ADCY5: variants seen among roughly 807,000 people sequenced by gnomAD.
The protein encoded by ADCY5 is adenylate cyclase type 5.
ADCY5 carries 30 observed loss-of-function variants against 119.7 expected under a neutral mutation model. The ratio of observed to expected loss-of-function variants is 0.25; its 90% CI spans 0.19 to 0.34. The LOEUF (loss-of-function observed/expected upper bound fraction) is 0.34. ADCY5 is among the 10% of genes least tolerant of loss of function. ADCY5 has a pLI of 1.00. For synonymous variants in ADCY5, 753 were observed against 762.2 expected, an observed-to-expected ratio of 0.99 and a Z score of 0.20; for missense variants, 1,324 against 1,775.2, an observed-to-expected ratio of 0.75 and a Z score of 4.57.
chr3:123,341,925 A>G (rs1400011999), intron 3 of ADCY5, among the ~76,000 whole-genome samples: 2 of 152,124 alleles, frequency 1.3e-5, no homozygotes, highest in Non-Finnish European at 2.9e-5. Context: ...AGAGTTCAGA[A>G]TACTTAAAAA....
chr3:123,448,085 C>G lies in ADCY5; in HGVS notation c.461G>C (p.Arg154Pro). 8.2e-7 allele frequency: 1 copy of G among 1,214,676 alleles called. No homozygotes were observed. The highest frequency in any genetic ancestry group is 1.0e-6 in the Non-Finnish European group (1 of 974,520). The allele number at this position is 1,214,676 out of a possible 1,614,324, so 75.2% of individuals were successfully genotyped here. ...CTCCTCCAGACCCACCTCCACCGAGCGAGGGCGCACCTCCGTCCCGCCCGC... is the reference window on the plus strand; with the variant it reads ...CTCCTCCAGACCCACCTCCACCGAGGGAGGGCGCACCTCCGTCCCGCCCGC... Reference protein sequence around the residue: ...ASAGGTEVRPRSVEVGLEERR... With the variant: ...ASAGGTEVRPPSVEVGLEERR... Residue 154 changes from arginine (R) to proline (P), a missense_variant, in exon 1 of 21, where the codon CGC becomes CCC. By Grantham distance (103) the Arg-to-Pro change is moderately radical (BLOSUM62 -2). Around this residue, in one of 6 missense-constraint regions of ADCY5, gnomAD observed 585 missense variants for 569.9 expected, o/e 1.03. Coordinates refer to ENST00000462833, the MANE Select transcript of ADCY5 (RefSeq NM_183357.3).
chr3:123,366,619 T>C (rs1943449323), intron 1 of ADCY5, among the ~76,000 whole-genome samples: 1 of 152,080 alleles, frequency 6.6e-6, no homozygotes, highest in Admixed American at 6.6e-5. Flanking sequence ...AATTCACTTA[T>C]CTTACACACC....
intron 3 of ADCY5, among the ~76,000 whole-genome samples, chr3:123,345,769 G>GACACACAGACATACACAC (rs1553731376): frequency 4.4e-5 from 5 of 113,762 alleles, no homozygotes; most frequent in Non-Finnish European, 6.9e-5. Flanking sequence ...CAGACAGACA[G>GACACACAGACATACACAC]ACACACACAC....
At chr3:123,302,583 A>G (rs1939910367) in intron 14 of ADCY5, among the ~76,000 whole-genome samples, 1 of 152,168 alleles carries the variant, frequency 6.6e-6, no homozygotes, top group Non-Finnish European at 1.5e-5. Context: ...CTGAGGGTCT[A>G]TAAAGTTTTG....
chr3:123,285,059 GAC>G (rs1270812311), intron 20 of ADCY5, among the ~76,000 whole-genome samples: 1 of 152,218 alleles, frequency 6.6e-6, no homozygotes, highest in Non-Finnish European at 1.5e-5. Context: ...TTCAGGAGTG[GAC>G]AGTAAGTGCC....
intron 1 of ADCY5, 60 bp downstream of exon 1, chr3:123,447,352 G>T: frequency 7.0e-7 from 1 of 1,427,044 alleles, no homozygotes. Context: ...CCTTTCTTTG[G>T]AGTCCAGCTG....
intron 1 of ADCY5, among the ~76,000 whole-genome samples, chr3:123,397,099 G>A (rs1191463264): frequency 6.6e-6 from 1 of 152,106 alleles, no homozygotes; most frequent in Non-Finnish European, 1.5e-5. Context: ...AGCTAAATTT[G>A]TCTCTGTCCT....
intron 12 of ADCY5, among the ~76,000 whole-genome samples, chr3:123,310,576 G>A (rs1399756791): frequency 6.6e-6 from 1 of 152,206 alleles, no homozygotes; most frequent in Non-Finnish European, 1.5e-5. Context: ...TCTGAGCTGC[G>A]GACAACGTGT....
At chr3:123,410,632 A>C (rs1945021869) in intron 1 of ADCY5, among the ~76,000 whole-genome samples, 1 of 152,178 alleles carries the variant, frequency 6.6e-6, no homozygotes. Flanking sequence ...TCTTAGATTA[A>C]TCACCATCAC....
At chr3:123,407,670 A>T (rs1321626730) in intron 1 of ADCY5, among the ~76,000 whole-genome samples, 6 of 149,250 alleles carry the variant, frequency 4.0e-5, no homozygotes, top group Non-Finnish European at 8.9e-5. Flanking sequence ...CTGAGGTTGG[A>T]GGATTGCTTA....
intron 1 of ADCY5, among the ~76,000 whole-genome samples, chr3:123,439,695 T>C (rs1945690151): frequency 6.6e-6 from 1 of 152,178 alleles, no homozygotes; most frequent in Non-Finnish European, 1.5e-5. Flanking sequence ...GAGACATCTA[T>C]GAACAGCCCT....
At position 123,304,053 on chromosome 3, in the gene ADCY5, G is replaced by A. The variant is rs374985865; in HGVS notation, c.2559+14C>T. On this transcript the variant is annotated intron_variant, in intron 13 of 20. Coordinates refer to ENST00000462833, the MANE Select transcript of ADCY5 (RefSeq NM_183357.3). ...GGGGCTGCGGAGGTGCTAGGAGGTC[G>A]TGCAGCCACCCACCATGTTGACAAA... The A allele has an allele frequency of 2.1e-5, 33 of 1,568,034 alleles. No homozygotes were observed. Among genetic ancestry groups the A allele is most frequent in the Middle Eastern group, 1.7e-4 (1 of 5,980 alleles).
chr3:123,317,730 G>A (rs1449439811), intron 11 of ADCY5, among the ~76,000 whole-genome samples: 1 of 146,930 alleles, frequency 6.8e-6, no homozygotes, highest in African/African-American at 2.5e-5. Context: ...GCGAGACGCT[G>A]TGTCCCCACC....
intron 1 of ADCY5, among the ~76,000 whole-genome samples, chr3:123,379,089 C>G (rs1427906197): frequency 2.0e-5 from 3 of 152,156 alleles, no homozygotes; most frequent in African/African-American, 7.2e-5. Context: ...ATTCTCCAAG[C>G]TGCATGAAGT....
chr3:123,362,272 C>T (rs1943272844), intron 1 of ADCY5, among the ~76,000 whole-genome samples: 1 of 152,186 alleles, frequency 6.6e-6, no homozygotes. Flanking sequence ...TACATCCCCG[C>T]CAACATTGCA....
At chr3:123,290,000 C>T (rs765909997) in intron 18 of ADCY5, 46 bp from the exon 19 acceptor site, 18 of 1,593,624 alleles carry the variant, frequency 1.1e-5, no homozygotes, top group Admixed American at 6.8e-5. Context: ...CCTGGGACAC[C>T]GAGGGCCACA....
intron 1 of ADCY5, among the ~76,000 whole-genome samples, chr3:123,406,713 A>G (rs1559866308): frequency 6.6e-6 from 1 of 152,166 alleles, no homozygotes; most frequent in African/African-American, 2.4e-5. Context: ...CTCTGTTGTA[A>G]TGATGGGAGG....
chr3:123,308,316 C>A (rs368220774), intron 12 of ADCY5, among the ~76,000 whole-genome samples: 1 of 150,898 alleles, frequency 6.6e-6, no homozygotes, highest in African/African-American at 2.4e-5. Flanking sequence ...GGATTACAGG[C>A]GTGAGCCACT....
intron 19 of ADCY5, chr3:123,287,039 G>T: frequency 2.0e-6 from 1 of 492,306 alleles, no homozygotes; most frequent in African/African-American, 1.9e-5. Context: ...CCCCTCACCA[G>T]GAGTGCCCTC....
Sources: allele counts gnomAD v4.1 joint callset (sites outside exome capture counted in the v4.1 genomes callset), GRCh38; gene constraint gnomAD v4.1.1; regional missense constraint gnomAD v4.1.1; transcripts MANE v1.5; gene names NCBI Gene and HGNC (gene_info 2026-07-23, HGNC 2026-07-21).